Variants in POC1B observed in about 807,000 individuals in gnomAD.
POC1B encodes POC1 centriolar protein homolog B.
POC1B carries 44 observed loss-of-function variants against 60.6 expected under a neutral mutation model. The ratio of observed to expected loss-of-function variants is 0.73; its 90% confidence interval spans 0.57 to 0.93. POC1B has a LOEUF of 0.93. POC1B is among the 40% of genes least tolerant of loss of function. The pLI, the probability that POC1B is intolerant of heterozygous loss-of-function variation, is 0.00. For missense variants in POC1B, 555 were observed against 572.3 expected (o/e 0.97, Z 0.31); for synonymous variants, 180 against 198.9 (o/e 0.90, Z 0.80).
intron 1 of POC1B, chr12:89,525,527 C>G: frequency 7.7e-7 from 1 of 1,298,396 alleles, no homozygotes; most frequent in Non-Finnish European, 9.7e-7. Context: ...CAGGCAGGTG[C>G]GAGGATGCGC....
chr12:89,458,795 G>C (rs541532790), intron 10 of POC1B, among the ~76,000 whole-genome samples: 24 of 152,174 alleles, frequency 1.6e-4, no homozygotes, highest in Non-Finnish European at 3.2e-4. Flanking sequence ...AGACCACGCT[G>C]TTCTTCCCAT....
intron 2 of POC1B, among the ~76,000 whole-genome samples, chr12:89,498,060 T>C (rs1376683782): frequency 6.6e-6 from 1 of 152,204 alleles, no homozygotes; most frequent in Non-Finnish European, 1.5e-5. Flanking sequence ...AACACACCCA[T>C]AGCACAGTTA....
intron 2 of POC1B, chr12:89,523,625 T>C: frequency 1.3e-6 from 2 of 1,547,772 alleles, no homozygotes; most frequent in Non-Finnish European, 1.7e-6. Flanking sequence ...CCTCCAGCCA[T>C]GGTAGGTGAT....
At chr12:89,521,954 C>T (rs527724811) in intron 2 of POC1B, 48 of 398,856 alleles carry the variant, frequency 1.2e-4, no homozygotes, top group African/African-American at 8.8e-4. Context: ...ATTGTGTTTA[C>T]TTTAAATGAT....
At chr12:89,491,637 AAG>A (rs1868977231) in intron 4 of POC1B, among the ~76,000 whole-genome samples, 4 of 148,804 alleles carry the variant, frequency 2.7e-5, no homozygotes, top group Non-Finnish European at 4.5e-5. Flanking sequence ...AAAAAAAAAA[AAG>A]AAAAAAAAAA....
chr12:89,466,805 G>A lies in POC1B; in HGVS notation c.997C>T (p.Pro333Ser). 1 of 1,612,830 alleles carries A rather than the reference G, an allele frequency of 6.2e-7. No individual in the cohort carries two copies. The highest frequency in any genetic ancestry group is 8.5e-7 in the Non-Finnish European group (1 of 1,179,200). ...PHLLDIYPRT[P>S]HPHEEKVETV... ...TCAACTTTTTCCTCATGGGGATGTG[G>A]TGTTCTTGGGTAGATATCAAGAAGA... Residue 333 changes from proline (P) to serine (S), a missense_variant, in exon 9 of 12, where the codon CCA (proline) becomes TCA (serine). Transcript: ENST00000313546.
rs947143409 is a variant in POC1B at position 89,491,954 on chromosome 12, T to G, written c.434A>C (p.His145Pro). The change falls in exon 4 of 12, where the codon CAC (histidine) becomes CCC (proline). Residue 145 changes from histidine (H) to proline (P), a missense_variant. By Grantham distance (77) the His-to-Pro change is moderately conservative. Transcript: ENST00000313546. ...RFLYSLYRHT[H>P]WVRCAKFSPD... The stretch of plus-strand genomic sequence containing the variant: ...CACTTACTTGGCACAGCGTACCCAG[T>G]GTGTATGTCGATACAAGGAATACAG... 1.3e-6 allele frequency: 2 copies of G among 1,557,776 alleles called. No individual in the cohort carries two copies. Among genetic ancestry groups the G allele is most frequent in the African/African-American group, 2.8e-5 (2 of 72,554 alleles).
chr12:89,512,165 T>C (rs765968888), intron 2 of POC1B, among the ~76,000 whole-genome samples: 4 of 152,232 alleles, frequency 2.6e-5, no homozygotes, highest in African/African-American at 4.8e-5. Context: ...AAGTAGTTTG[T>C]ACTATGCAAG....
intron 6 of POC1B, among the ~76,000 whole-genome samples, chr12:89,471,213 T>C (rs761893409): frequency 6.6e-6 from 1 of 152,156 alleles, no homozygotes; most frequent in Non-Finnish European, 1.5e-5. Context: ...AAAATTCACT[T>C]CTCTTTTAGT....
chr12:89,514,402 CTTTTT>C (rs60679774), intron 2 of POC1B, among the ~76,000 whole-genome samples: 5 of 67,088 alleles, frequency 7.5e-5, no homozygotes, highest in African/African-American at 1.2e-4. Context: ...TCATGTATTT[CTTTTT>C]TTTTTTTTTT....
intron 10 of POC1B, among the ~76,000 whole-genome samples, chr12:89,445,678 A>T (rs1881751593): frequency 6.6e-6 from 1 of 152,244 alleles, no homozygotes; most frequent in Non-Finnish European, 1.5e-5. Flanking sequence ...AGGCAATACC[A>T]TTCAGGACAT....
intron 2 of POC1B, chr12:89,502,113 C>G: frequency 8.5e-7 from 1 of 1,171,940 alleles, no homozygotes; most frequent in Non-Finnish European, 1.3e-6. Flanking sequence ...CAGAGTCAAA[C>G]TTGGATTCTG....
chr12:89,464,489 T>TTTG (rs1555182315), intron 9 of POC1B, among the ~76,000 whole-genome samples: 1 of 141,056 alleles, frequency 7.1e-6, no homozygotes, highest in African/African-American at 2.7e-5. Context: ...AAGAGTTTTT[T>TTTG]TTTTTTTTTT....
At chr12:89,416,077 A>C (rs543995249), downstream of POC1B, among the ~76,000 whole-genome samples, 8 of 152,370 alleles carry the variant, frequency 5.3e-5, no homozygotes, top group African/African-American at 1.9e-4. Flanking sequence ...ATACTCATTT[A>C]TTCAAGAACG....
the POC1B span, among the ~76,000 whole-genome samples, chr12:89,411,985 G>T: frequency 6.6e-6 from 1 of 152,164 alleles, no homozygotes; most frequent in Admixed American, 6.5e-5. Flanking sequence ...AGGCTTCAGT[G>T]GAATTCTATA....
At chr12:89,497,945 G>A (rs929127268) in intron 2 of POC1B, among the ~76,000 whole-genome samples, 4 of 152,036 alleles carry the variant, frequency 2.6e-5, no homozygotes, top group Non-Finnish European at 4.4e-5. Context: ...AAACACATAC[G>A]TATTTTTTTG....
intron 4 of POC1B, among the ~76,000 whole-genome samples, chr12:89,477,247 G>A (rs1158654074): frequency 6.6e-6 from 1 of 152,140 alleles, no homozygotes; most frequent in African/African-American, 2.4e-5. Flanking sequence ...TTTTTTAAGT[G>A]TTGGTCAGCA....
chr12:89,425,432 G>A lies in POC1B; in HGVS notation c.1114-53C>T. 6 of 1,442,782 alleles carry A rather than the reference G, an allele frequency of 4.2e-6. 1 individual carries two copies. The South Asian group carries it at 7.7e-5, about 19-fold the overall frequency. The allele number at this position is 1,442,782 out of a possible 1,614,324, so 89.4% of individuals were successfully genotyped here. A position where few individuals can be genotyped will look rare whatever the true frequency, so the allele number is the denominator to read the frequency against. ...AGTTATATTTTCCAAACTTTAAAAT[G>A]ATATATATAAAAGTTTAAAATATTC... On this transcript the variant is annotated intron_variant, in intron 10 of 11. Coordinates refer to ENST00000313546, the MANE Select transcript of POC1B (RefSeq NM_172240.3).
At chr12:89,514,700 G>A (rs532982664) in intron 2 of POC1B, among the ~76,000 whole-genome samples, 3 of 152,036 alleles carry the variant, frequency 2.0e-5, no homozygotes, top group Non-Finnish European at 2.9e-5. Flanking sequence ...AAGCCACTGC[G>A]CCCGGCCTCA....
Sources: gnomAD v4.1 joint callset for allele counts (sites outside exome capture counted in the v4.1 genomes callset) on GRCh38, gnomAD v4.1.1 for gene constraint, MANE v1.5 for transcripts, NCBI Gene and HGNC (gene_info 2026-07-23, HGNC 2026-07-21) for gene names.